The following ITGB4 variants were observed in gnomAD, a reference collection of about 807,000 sequenced individuals.
ITGB4 encodes integrin subunit beta 4.
In ITGB4, 159 loss-of-function variants were observed where a neutral mutation model predicts 207.6. That is an observed-to-expected ratio of 0.77 (90% CI 0.67 to 0.87). The LOEUF (loss-of-function observed/expected upper bound fraction) is 0.87, where lower values mean the gene tolerates loss of function less well. Among genes scored for constraint, ITGB4 ranks in the 40% least tolerant of loss-of-function variants. The pLI is 0.00. For missense variants in ITGB4, 2,278 were observed against 2,546.8 expected (o/e 0.89, Z 2.27); for synonymous variants, 1,020 against 1,062.7 (o/e 0.96, Z 0.78).
In ITGB4 at chr17:75,732,338, CTGG is replaced by C; in HGVS notation, c.1454+100_1454+102del. 1.3e-5 allele frequency: 15 copies of C among 1,190,778 alleles called. No homozygotes were observed. The highest frequency in any genetic ancestry group is 1.5e-5 in the African/African-American group (1 of 66,890). The allele number at this position is 1,190,778 out of a possible 1,614,324, so 73.8% of individuals were successfully genotyped here. A position where few individuals can be genotyped will look rare whatever the true frequency, so the allele number is the denominator to read the frequency against. On this transcript the variant is annotated intron_variant, in intron 12 of 39. Transcript: ENST00000200181. The surrounding 1 kb of genome is among the most constrained non-coding windows in gnomAD (Gnocchi z 5.3). ...CTGGCCCTGGGTGCACCTTGTACAC[CTGG>C]CTGGGGGTGGGGCGGCAATCAAAGA...
Position 75,743,700 on chromosome 17 carries a change from G to A in ITGB4, c.2963-13G>A, listed in dbSNP as rs77473568. 250 of 1,613,438 alleles carry A rather than the reference G, an allele frequency of 1.5e-4. No individual in the cohort carries two copies. In the African/African-American group the frequency reaches 2.3e-3, roughly 15 times the overall value. On this transcript the variant is annotated splice_polypyrimidine_tract_variant and intron_variant, in intron 25 of 39. Transcript: ENST00000200181. ...GCCCAGCACACTCTGACAAATGCCC[G>A]GGCTCCTTGCAGCCAGAGACGTGGT...
Position 75,751,071 on chromosome 17 carries a change from A to T in ITGB4, c.3753A>T (p.Thr1251=), listed in dbSNP as rs749854694. The stretch of plus-strand genomic sequence containing the variant: ...CGGCTGAGACCAACGGTGAGATCAC[A>T]GCCTACGAGGTCTGCTATGGCCTGG... ...AEPAETNGEI[T]AYEVCYGLVN... Residue 1251 remains threonine, a synonymous_variant, in exon 30 of 40, where the codon ACA becomes ACT. Coordinates refer to ENST00000200181, the MANE Select transcript of ITGB4 (RefSeq NM_000213.5). 12 of 1,613,804 alleles carry T rather than the reference A, an allele frequency of 7.4e-6. No individual in the cohort carries two copies. Among genetic ancestry groups the T allele is most frequent in the Admixed American group, 5.0e-5 (3 of 60,012 alleles).
chr17:75,736,593 G>A lies in ITGB4; in HGVS notation c.1889G>A (p.Arg630His), dbSNP rs1004331955. 1.2e-6 allele frequency: 2 copies of A among 1,602,070 alleles called. No individual in the cohort carries two copies. Among genetic ancestry groups the A allele is most frequent in the Admixed American group, 1.7e-5 (1 of 57,472 alleles). ...AIHPGLCEDL[R>H]SCVQCQAWGT... ...CACCCGGGCCTCTGCGAGGACCTAC[G>A]CTCCTGCGTGCAGTGCCAGGCGTGG... Residue 630 changes from arginine (R) to histidine (H), a missense_variant, in exon 16 of 40, where the codon CGC (arginine) becomes CAC (histidine). Arg to His is a conservative substitution (Grantham distance 29, BLOSUM62 0). Coordinates refer to ENST00000200181, the MANE Select transcript of ITGB4 (RefSeq NM_000213.5).
At position 75,743,829 on chromosome 17, in the gene ITGB4, C is replaced by T. The variant is rs761988708; in HGVS notation, c.3079C>T (p.Arg1027Cys). ...CGGCGGGAAGTCCCAGGTCTCCTAC[C>T]GCACACAGGATGGCACCGCGCAGGG... The part of the protein sequence containing the change: ...LDGGKSQVSY[R>C]TQDGTAQGNR... Residue 1027 changes from arginine (R) to cysteine (C), a missense_variant, in exon 26 of 40, where the codon CGC becomes TGC. By Grantham distance (180) the Arg-to-Cys change is radical. Coordinates refer to ENST00000200181, the MANE Select transcript of ITGB4 (RefSeq NM_000213.5). 24 of 1,607,066 alleles carry T rather than the reference C, an allele frequency of 1.5e-5. No homozygotes were observed. Among genetic ancestry groups the T allele is most frequent in the South Asian group, 4.4e-5 (4 of 90,256 alleles).
rs1436661944 is a variant in ITGB4 at position 75,739,719 on chromosome 17, A to C, written c.2254+14A>C. The C allele has an allele frequency of 1.2e-6, 2 of 1,614,122 alleles. No homozygotes were observed. The highest frequency in any genetic ancestry group is 4.5e-5 in the East Asian group (2 of 44,882). The stretch of plus-strand genomic sequence containing the variant: ...GCTGCAACCGAGGTATGGGCCTGGC[A>C]TCGCAGGGGCAGCAGGGGCTCTGAC... On this transcript the variant is annotated intron_variant, in intron 19 of 39. Transcript: ENST00000200181. This position sits in a 1 kb window ranked among gnomAD's most constrained non-coding sequence, Gnocchi z 5.4.
intron 6 of ITGB4, among the ~76,000 whole-genome samples, chr17:75,728,785 C>T (rs1416606173): frequency 6.6e-6 from 1 of 152,016 alleles, no homozygotes; most frequent in African/African-American, 2.4e-5. Context: ...GAGATCGAGA[C>T]CATCCTGGCT....
Position 75,731,695 on chromosome 17 carries a change from C to G in ITGB4, c.1216-117C>G, listed in dbSNP as rs944811251. ...CAGCCCTGAGGGAGGTGAGCAGGAGCTCATTTCAGGGATCCAGACATCTCC... is the reference window on the plus strand; with the variant it reads ...CAGCCCTGAGGGAGGTGAGCAGGAGGTCATTTCAGGGATCCAGACATCTCC... On this transcript the variant is annotated intron_variant, in intron 10 of 39. Transcript: ENST00000200181. This position sits in a 1 kb window ranked among gnomAD's most constrained non-coding sequence, Gnocchi z 6.8. 1.7e-6 allele frequency: 2 copies of G among 1,152,004 alleles called. No homozygotes were observed. Among genetic ancestry groups the G allele is most frequent in the African/African-American group, 3.1e-5 (2 of 64,280 alleles). The allele number at this position is 1,152,004 out of a possible 1,614,324, so 71.4% of individuals were successfully genotyped here.
chr17:75,757,048 C>G lies in ITGB4; in HGVS notation c.5159C>G (p.Thr1720Ser). ...TACAAGTTCAAGGTGCAGGCCAGGA[C>G]CACTGAGGGCTTCGGGCCAGAGCGC... The part of the protein sequence containing the change: ...VPYKFKVQAR[T>S]TEGFGPEREG... The change falls in exon 38 of 40, where the codon ACC (threonine) becomes AGC (serine). Residue 1720 changes from threonine to serine, a missense_variant. By Grantham distance (58) the Thr-to-Ser change is moderately conservative. Coordinates refer to ENST00000200181, the MANE Select transcript of ITGB4 (RefSeq NM_000213.5). The G allele has an allele frequency of 6.2e-7, 1 of 1,612,992 alleles. No individual in the cohort carries two copies. The highest frequency in any genetic ancestry group is 8.5e-7 in the Non-Finnish European group (1 of 1,179,976).
At chr17:75,736,534 G>A (rs775493324) in intron 15 of ITGB4, 31 bp from the exon 16 acceptor site, 2 of 1,587,324 alleles carry the variant, frequency 1.3e-6, no homozygotes, top group Admixed American at 1.8e-5. Flanking sequence ...ACCCAACACA[G>A]TGCCTGTCTG....
In ITGB4 at chr17:75,729,102, G is replaced by A. The variant is rs2060792921; in HGVS notation, c.567-163G>A. Among the ~76,000 whole-genome samples, 1 of 150,408 alleles carries A rather than the reference G, an allele frequency of 6.6e-6. No homozygotes were observed. Among genetic ancestry groups the A allele is most frequent in the Admixed American group, 6.6e-5 (1 of 15,044 alleles). Reference sequence around the variant, plus strand: ...GAACCCAGGAGGCAGAGGTTGCAGTGAGCCAAGATCGTGCATACCGCACAC... The same window carrying A: ...GAACCCAGGAGGCAGAGGTTGCAGTAAGCCAAGATCGTGCATACCGCACAC... On this transcript the variant is annotated intron_variant, in intron 6 of 39. Transcript: ENST00000200181. The surrounding 1 kb of genome is among the most constrained non-coding windows in gnomAD (Gnocchi z 4.4).
chr17:75,756,703 G>A lies in ITGB4; in HGVS notation c.4898-1G>A. ...TGATGCTCTTCCTCTACTGCCCCCAGGCTCCGCCTTCACTTTGAGCACTCC... is the reference window on the plus strand; with the variant it reads ...TGATGCTCTTCCTCTACTGCCCCCAAGCTCCGCCTTCACTTTGAGCACTCC... On this transcript the variant is annotated splice_acceptor_variant, in intron 36 of 39. Transcript: ENST00000200181. LOFTEE classifies it high-confidence loss of function. 1 of 1,613,404 alleles carries A rather than the reference G, an allele frequency of 6.2e-7. No homozygotes were observed. The highest frequency in any genetic ancestry group is 1.7e-5 in the Admixed American group (1 of 60,014).
chr17:75,733,701 A>G lies in ITGB4; in HGVS notation c.1657+9A>G, dbSNP rs764647432. 6.2e-7 allele frequency: 1 copy of G among 1,613,502 alleles called. No individual in the cohort carries two copies. The highest frequency in any genetic ancestry group is 8.5e-7 in the Non-Finnish European group (1 of 1,179,738). ...CGGGTTCCTCTGCAATGGTGAGCAC[A>G]ACAACTGCGGCCAATGCTGATGGCG... is the stretch of plus-strand genomic sequence containing the variant. On this transcript the variant is annotated intron_variant, in intron 13 of 39. Transcript: ENST00000200181.
In ITGB4 at chr17:75,732,147, G is replaced by T. The variant is rs756014790; in HGVS notation, c.1378-16G>T. On this transcript the variant is annotated splice_polypyrimidine_tract_variant and intron_variant, in intron 11 of 39. Coordinates refer to ENST00000200181, the MANE Select transcript of ITGB4 (RefSeq NM_000213.5). This position sits in a 1 kb window ranked among gnomAD's most constrained non-coding sequence, Gnocchi z 5.3. ...TGCTCCCCCGACGCACCCCACCATG[G>T]TCTCTCTCATTCCAGCAAAAAGAGG... 6.2e-6 allele frequency: 10 copies of T among 1,613,892 alleles called. No individual in the cohort carries two copies. Among genetic ancestry groups the T allele is most frequent in the Non-Finnish European group, 8.5e-6 (10 of 1,180,000 alleles).
chr17:75,746,623 G>A (rs1292421297), intron 26 of ITGB4, among the ~76,000 whole-genome samples: 2 of 151,176 alleles, frequency 1.3e-5, no homozygotes, highest in Non-Finnish European at 2.9e-5. Context: ...CTTGCCTTCT[G>A]GCTACCCTGT....
intron 33 of ITGB4, chr17:75,754,362 C>A: frequency 3.2e-6 from 2 of 620,218 alleles, no homozygotes; most frequent in Admixed American, 2.9e-5. Flanking sequence ...GATAGAGTGG[C>A]CGGCCAGAGG....
chr17:75,722,757 C>CTGTGTGTGTA lies in ITGB4; in HGVS notation c.-11+1154_-11+1155insATGTGTGTGT. On this transcript the variant is annotated intron_variant, in intron 1 of 39. Transcript: ENST00000200181. The surrounding 1 kb of genome is among the most constrained non-coding windows in gnomAD (Gnocchi z 6.2). Reference sequence around the variant, plus strand: ...GAGCCTGTGGGTGGGTGGGCATGGCCTGTGTGTGTGTGTGTGTGTGTGTGT... The same window carrying CTGTGTGTGTA: ...GAGCCTGTGGGTGGGTGGGCATGGCCTGTGTGTGTATGTGTGTGTGTGTGTGTGTGTGTGT... 7.4e-6 allele frequency among the ~76,000 whole-genome samples: 1 copy of CTGTGTGTGTA among 135,164 alleles called. No individual in the cohort carries two copies. The highest frequency in any genetic ancestry group is 2.6e-4 in the South Asian group (1 of 3,818). 88.7% of individuals were successfully genotyped at this position (135,164 alleles called of 152,430 possible). A position where few individuals can be genotyped will look rare whatever the true frequency, so the allele number is the denominator to read the frequency against.
At chr17:75,755,913 A>G in intron 35 of ITGB4, 63 bp downstream of exon 35, 3 of 1,556,114 alleles carry the variant, frequency 1.9e-6, no homozygotes, top group Non-Finnish European at 2.6e-6. Context: ...CCAGTGTGAC[A>G]CATAGGGTAC....
rs1232764257 is a variant in ITGB4, at chr17:75,737,632, T to C, written c.2208T>C (p.Cys736=). Reference sequence around the variant, plus strand: ...TACTGCTGCTATGCTGGAAGTACTGTGCCTGCTGCAAGGTGAGCACCCAGG... The same window carrying C: ...TACTGCTGCTATGCTGGAAGTACTGCGCCTGCTGCAAGGTGAGCACCCAGG... ...ALLLLLCWKY[C]ACCKACLALL... Residue 736 remains cysteine, a synonymous_variant, in exon 18 of 40, where the codon TGT becomes TGC. Coordinates refer to ENST00000200181, the MANE Select transcript of ITGB4 (RefSeq NM_000213.5). 6.2e-7 allele frequency: 1 copy of C among 1,613,180 alleles called. No individual in the cohort carries two copies. Among genetic ancestry groups the C allele is most frequent in the African/African-American group, 1.3e-5 (1 of 74,996 alleles).
intron 16 of ITGB4, 74 bp from the exon 17 acceptor site, chr17:75,737,248 C>T: frequency 6.5e-7 from 1 of 1,542,268 alleles, no homozygotes; most frequent in East Asian, 2.4e-5. Context: ...AGTAGGGGCC[C>T]CCTCACCAGA....
Sources: allele counts gnomAD v4.1 joint callset (sites outside exome capture counted in the v4.1 genomes callset), GRCh38; gene constraint gnomAD v4.1.1; non-coding constraint Gnocchi (gnomAD v3.1); transcripts MANE v1.5; gene names NCBI Gene and HGNC (gene_info 2026-07-23, HGNC 2026-07-21).